Variants in MED11 observed in about 807,000 individuals in gnomAD.
MED11 encodes the protein mediator complex subunit 11, also known as mediator of RNA polymerase II transcription subunit 11.
Under a neutral mutation model 13.9 loss-of-function variants are expected in MED11, and 19 were observed. That is an observed-to-expected ratio of 1.36 (90% CI 0.95 to 2.00). MED11 has a LOEUF of 2.00. MED11 is among the 30% of genes most tolerant of loss of function. The probability of loss-of-function intolerance (pLI) is 0.00; values close to 1 mark genes in which losing one functional copy is unlikely to be tolerated. For synonymous variants in MED11, 67 were observed against 62.1 expected, an observed-to-expected ratio of 1.08 and a Z score of -0.37; for missense variants, 134 against 150.2, an observed-to-expected ratio of 0.89 and a Z score of 0.56.
At chr17:4,732,857 C>T in intron 2 of MED11, 193 bp from the exon 3 acceptor site, 2 of 638,976 alleles carry the variant, frequency 3.1e-6, no homozygotes, top group Non-Finnish European at 2.7e-6. Flanking sequence ...TTTATCTAAT[C>T]CTCAACAACT....
At chr17:4,732,017 G>C (rs781225176) in intron 2 of MED11, 111 bp downstream of exon 2, 1 of 1,329,336 alleles carries the variant, frequency 7.5e-7, no homozygotes. Context: ...CTCCCCAGCC[G>C]GCCATCCAGA....
At chr17:4,731,730 A>G (rs1040078380) in intron 1 of MED11, 46 bp from the exon 2 acceptor site, 1 of 1,608,748 alleles carries the variant, frequency 6.2e-7, no homozygotes, top group Non-Finnish European at 8.5e-7. Flanking sequence ...GGGAGAGGCT[A>G]CACTGGCAGT....
Position 4,733,318 on chromosome 17 carries a change from G to A in MED11, c.*131G>A. On this transcript the variant is annotated 3_prime_UTR_variant, in exon 3 of 3. Transcript: ENST00000293777. The stretch of plus-strand genomic sequence containing the variant: ...GGTCAAAGTACCCTAGGACAAAGGG[G>A]CAAATGGTGGGCATGGAAAAACTGA... 1 of 1,173,762 alleles carries A rather than the reference G, an allele frequency of 8.5e-7. No individual in the cohort carries two copies. The highest frequency in any genetic ancestry group is 1.2e-6 in the Non-Finnish European group (1 of 849,056). The allele number at this position is 1,173,762 out of a possible 1,614,324, so 72.7% of individuals were successfully genotyped here. A position where few individuals can be genotyped will look rare whatever the true frequency, so the allele number is the denominator to read the frequency against.
chr17:4,733,601 A>G lies in MED11; in HGVS notation c.*414A>G, dbSNP rs1219925695. The stretch of plus-strand genomic sequence containing the variant: ...AGCAATAATAATAAAAGCAATAACA[A>G]TAAAAACAAGATCAGACTCTCACTG... On this transcript the variant is annotated 3_prime_UTR_variant, in exon 3 of 3. Transcript: ENST00000293777. 6.1e-6 allele frequency: 1 copy of G among 164,526 alleles called. No individual in the cohort carries two copies. Among genetic ancestry groups the G allele is most frequent in the African/African-American group, 2.4e-5 (1 of 41,626 alleles). 10.2% of individuals were successfully genotyped at this position (164,526 alleles called of 1,614,324 possible).
chr17:4,731,513 C>A lies in MED11; in HGVS notation c.24C>A (p.Asn8Lys), dbSNP rs757628628. Residue 8 changes from asparagine (N) to lysine (K), a missense_variant, in exon 1 of 3, where the codon AAC becomes AAA. By Grantham distance (94) the Asn-to-Lys change is moderately conservative. Transcript: ENST00000293777. ...TAATGGCTACCTACAGCCTGGCGAA[C>A]GAGAGACTACGCGCTCTGGAAGACA... The part of the protein sequence containing the change: MATYSLA[N>K]ERLRALEDIE... The A allele has an allele frequency of 3.1e-6, 5 of 1,614,002 alleles. No individual in the cohort carries two copies. In the Admixed American group the frequency reaches 8.3e-5, roughly 27 times the overall value.
At chr17:4,733,011 G>C (rs555396895) in intron 2 of MED11, 39 bp from the exon 3 acceptor site, 8 of 1,608,880 alleles carry the variant, frequency 5.0e-6, no homozygotes, top group Non-Finnish European at 5.9e-6. Flanking sequence ...TGGAGTTAGG[G>C]TAAAGGAGAT....
Position 4,733,276 on chromosome 17 carries a change from C to A in MED11, c.*89C>A. On this transcript the variant is annotated 3_prime_UTR_variant, in exon 3 of 3. Coordinates refer to ENST00000293777, the MANE Select transcript of MED11 (RefSeq NM_001001683.4). ...GAACATGTAGGGTGGGGAGTATGAGCACCAACATACCCTGCTGGTCAAAGT... is the reference window on the plus strand; with the variant it reads ...GAACATGTAGGGTGGGGAGTATGAGAACCAACATACCCTGCTGGTCAAAGT... The A allele has an allele frequency of 6.7e-7, 1 of 1,491,930 alleles. No homozygotes were observed. The allele number at this position is 1,491,930 out of a possible 1,614,324, so 92.4% of individuals were successfully genotyped here. A position where few individuals can be genotyped will look rare whatever the true frequency, so the allele number is the denominator to read the frequency against.
intron 2 of MED11, chr17:4,732,183 G>C: frequency 2.4e-6 from 1 of 413,034 alleles, no homozygotes; most frequent in Admixed American, 4.1e-5. Flanking sequence ...CAGCACTTTG[G>C]GAGGCTGAGG....
chr17:4,731,906 G>C lies in MED11; in HGVS notation c.216G>C (p.Gln72His). Residue 72 changes from glutamine to histidine, a missense_variant and splice_region_variant, in exon 2 of 3, where the codon CAG (glutamine) becomes CAC (histidine). Transcript: ENST00000293777. ...CAGCTCAGATCCGCTACCTCACCCA[G>C]GTCGGTGTGTCTGGGGGGTTCTGCG... ...ELSAQIRYLT[Q>H]VATGQPHEGS... 6.2e-7 allele frequency: 1 copy of C among 1,613,492 alleles called. No homozygotes were observed. Among genetic ancestry groups the C allele is most frequent in the Non-Finnish European group, 8.5e-7 (1 of 1,179,692 alleles).
At chr17:4,731,693 A>G in intron 1 of MED11, 83 bp from the exon 2 acceptor site, 1 of 1,606,390 alleles carries the variant, frequency 6.2e-7, no homozygotes, top group Non-Finnish European at 8.5e-7. Context: ...GCGCAGCGAA[A>G]GGGCGGGACT....
At chr17:4,732,718 G>A (rs1366595971) in intron 2 of MED11, among the ~76,000 whole-genome samples, 1 of 152,134 alleles carries the variant, frequency 6.6e-6, no homozygotes, top group Non-Finnish European at 1.5e-5. Context: ...AACTTGGCCT[G>A]ACCTCCAGGC....
intron 1 of MED11, 99 bp from the exon 2 acceptor site, chr17:4,731,677 G>C (rs369010854): frequency 6.2e-7 from 1 of 1,606,542 alleles, no homozygotes; most frequent in Non-Finnish European, 8.5e-7. Flanking sequence ...GGAATCCTAC[G>C]TGCGTGCGCA....
intron 1 of MED11, 32 bp downstream of exon 1, chr17:4,731,606 G>T (rs1279985182): frequency 1.2e-6 from 2 of 1,613,654 alleles, no homozygotes. Context: ...ACAGCGGGGA[G>T]CGAAAGCGTG....
In MED11 at chr17:4,731,445, C is replaced by A. The variant is rs1309273556; in HGVS notation, c.-45C>A. ...CGAGAGCCACTTCCGGAACAAGCGTCGCGTTTCTGAGGAGAAACTCTTGGT... is the reference window on the plus strand; with the variant it reads ...CGAGAGCCACTTCCGGAACAAGCGTAGCGTTTCTGAGGAGAAACTCTTGGT... On this transcript the variant is annotated 5_prime_UTR_variant, in exon 1 of 3. Transcript: ENST00000293777. The A allele has an allele frequency of 3.8e-6, 6 of 1,591,826 alleles. No individual in the cohort carries two copies. Among genetic ancestry groups the A allele is most frequent in the Non-Finnish European group, 5.2e-6 (6 of 1,160,794 alleles).
Position 4,731,474 on chromosome 17 carries a change from A to C in MED11, c.-16A>C, listed in dbSNP as rs762748542. On this transcript the variant is annotated 5_prime_UTR_variant, in exon 1 of 3. Transcript: ENST00000293777. Reference sequence around the variant, plus strand: ...TTTCTGAGGAGAAACTCTTGGTGAGAATTCCCAGAGTGATAATGGCTACCT... The same window carrying C: ...TTTCTGAGGAGAAACTCTTGGTGAGCATTCCCAGAGTGATAATGGCTACCT... 1.2e-6 allele frequency: 2 copies of C among 1,612,786 alleles called. No homozygotes were observed. Among genetic ancestry groups the C allele is most frequent in the East Asian group, 4.5e-5 (2 of 44,834 alleles).
At chr17:4,732,754 TGAG>T (rs1916023992) in intron 2 of MED11, among the ~76,000 whole-genome samples, 1 of 152,138 alleles carries the variant, frequency 6.6e-6, no homozygotes, top group Non-Finnish European at 1.5e-5. Context: ...CCTTATATCC[TGAG>T]AAGAGGGACA....
Position 4,731,541 on chromosome 17 carries a change from G to A in MED11, c.52G>A (p.Glu18Lys), listed in dbSNP as rs1217740150. 6.2e-7 allele frequency: 1 copy of A among 1,614,184 alleles called. No homozygotes were observed. Among genetic ancestry groups the A allele is most frequent in the Admixed American group, 1.7e-5 (1 of 60,032 alleles). The stretch of plus-strand genomic sequence containing the variant: ...GAGACTACGCGCTCTGGAAGACATT[G>A]AACGGGAAATCGGCGCCATCCTTCA... ...NERLRALEDI[E>K]REIGAILQNA... The change falls in exon 1 of 3, where the codon GAA becomes AAA. Residue 18 changes from glutamate (E) to lysine (K), a missense_variant. Coordinates refer to ENST00000293777, the MANE Select transcript of MED11 (RefSeq NM_001001683.4).
At position 4,731,832 on chromosome 17, in the gene MED11, C is replaced by T. The variant is rs777918380; in HGVS notation, c.142C>T (p.Gln48Ter). The change falls in exon 2 of 3, where the codon CAG becomes TAG. Residue 48 changes from glutamine (Q) to a stop codon, truncating the protein, a stop_gained. Transcript: ENST00000293777. LOFTEE classifies it high-confidence loss of function. ...EKTNERLLDR[Q>*]AAAFTASVQH... ...AACTAACGAGCGGCTCCTAGACCGG[C>T]AGGCGGCGGCCTTCACCGCTTCAGT... is the stretch of plus-strand genomic sequence containing the variant. 6 of 1,614,114 alleles carry T rather than the reference C, an allele frequency of 3.7e-6. No homozygotes were observed. The highest frequency in any genetic ancestry group is 5.1e-6 in the Non-Finnish European group (6 of 1,180,022).
chr17:4,733,357 C>A lies in MED11; in HGVS notation c.*170C>A. On this transcript the variant is annotated 3_prime_UTR_variant, in exon 3 of 3. Transcript: ENST00000293777. ...TGGAAAAACTGAAGCCCGAGCCTGC[C>A]CACAGCTATGCTTTGGCCTCTCCAG... 1.2e-6 allele frequency: 1 copy of A among 805,678 alleles called. No homozygotes were observed. The highest frequency in any genetic ancestry group is 1.9e-6 in the Non-Finnish European group (1 of 521,474). 49.9% of individuals were successfully genotyped at this position (805,678 alleles called of 1,614,324 possible). A position where few individuals can be genotyped will look rare whatever the true frequency, so the allele number is the denominator to read the frequency against.
Sources: gnomAD v4.1 joint callset for allele counts (sites outside exome capture counted in the v4.1 genomes callset) on GRCh38, gnomAD v4.1.1 for gene constraint, MANE v1.5 for transcripts, NCBI Gene and HGNC (gene_info 2026-07-23, HGNC 2026-07-21) for gene names.